Variants in SCN4A observed in about 807,000 individuals in gnomAD.
SCN4A encodes the protein sodium channel protein type 4 subunit alpha.
Under a neutral mutation model 162.0 loss-of-function variants are expected in SCN4A, and 83 were observed. The observed-to-expected ratio is 0.51, with a 90% CI of 0.43 to 0.61. SCN4A has a LOEUF of 0.61. Among genes scored for constraint, SCN4A ranks in the 20% least tolerant of loss-of-function variants. SCN4A has a pLI of 0.00. For synonymous variants in SCN4A, 944 were observed against 985.1 expected (o/e 0.96, Z 0.78); for missense variants, 2,196 against 2,462.5 (o/e 0.89, Z 2.29).
Position 63,943,093 on chromosome 17 carries a change from TG to T in SCN4A, c.4020del (p.Asn1340LysfsTer11). 6.2e-7 allele frequency: 1 copy of T among 1,608,846 alleles called. No individual in the cohort carries two copies. The highest frequency in any genetic ancestry group is 8.5e-7 in the Non-Finnish European group (1 of 1,175,682). ...AGGTCATACACCATGCCCTGGATCT[TG>T]TTCTGCAGCATGGGTGGGAGTGGAT... ...KPQKPIPRPQ[N>X]KIQGMVYDLV... On this transcript the variant is annotated frameshift_variant and splice_region_variant, in exon 23 of 24. Coordinates refer to ENST00000435607, the MANE Select transcript of SCN4A (RefSeq NM_000334.4). LOFTEE classifies it high-confidence loss of function.
chr17:63,972,534 G>GCAGA lies in SCN4A; in HGVS notation c.273+31_273+34dup, dbSNP rs1212329560. On this transcript the variant is annotated intron_variant, in intron 1 of 23. Coordinates refer to ENST00000435607, the MANE Select transcript of SCN4A (RefSeq NM_000334.4). This position sits in a 1 kb window ranked among gnomAD's most constrained non-coding sequence, Gnocchi z 4.3. ...AGACAGGCAGACAGATGGATGGATG[G>GCAGA]CAGACAGACAGAGGAAGCCTTCCCA... The GCAGA allele has an allele frequency of 6.3e-7, 1 of 1,599,646 alleles. No individual in the cohort carries two copies. Among genetic ancestry groups the GCAGA allele is most frequent in the Admixed American group, 1.8e-5 (1 of 56,864 alleles).
chr17:63,945,890 T>A lies in SCN4A; in HGVS notation c.3442-252A>T, dbSNP rs1448416275. On this transcript the variant is annotated intron_variant, in intron 18 of 23. Transcript: ENST00000435607. The surrounding 1 kb of genome is among the most constrained non-coding windows in gnomAD (Gnocchi z 4.4). ...AGCCATCAGCCCAGAGTAGGGGTGC[T>A]GGGTTTCTCTGGAAGCAGCCTGGTC... is the stretch of plus-strand genomic sequence containing the variant. 6.6e-6 allele frequency among the ~76,000 whole-genome samples: 1 copy of A among 152,006 alleles called. No homozygotes were observed. The highest frequency in any genetic ancestry group is 1.9e-4 in the East Asian group (1 of 5,178).
At chr17:63,958,014 AAAAAAG>A (rs1555603225) in intron 12 of SCN4A, among the ~76,000 whole-genome samples, 4 of 150,666 alleles carry the variant, frequency 2.7e-5, no homozygotes, top group African/African-American at 9.8e-5. Context: ...AAAAAAAAAA[AAAAAAG>A]AAAAAGAAAA....
rs368479778 is a variant in SCN4A, at chr17:63,951,649, C to T, written c.2628G>A (p.Glu876=). 3 of 1,598,540 alleles carry T rather than the reference C, an allele frequency of 1.9e-6. No individual in the cohort carries two copies. Among genetic ancestry groups the T allele is most frequent in the African/African-American group, 1.3e-5 (1 of 74,580 alleles). Residue 876 remains glutamate, a synonymous_variant, in exon 14 of 24, where the codon GAG becomes GAA. Transcript: ENST00000435607. This position sits in a 1 kb window ranked among gnomAD's most constrained non-coding sequence, Gnocchi z 4.5. The part of the protein sequence containing the change: ...EAGEAGETAP[E]DEKKEPPEED... ...CCTCGGGCGGCTCCTTCTTCTCATC[C>T]TCGGGGGCAGTCTCCCCCGCCTCTC...
chr17:63,971,616 G>C (rs1909610311), intron 4 of SCN4A, 106 bp downstream of exon 4: 3 of 1,040,042 alleles, frequency 2.9e-6, no homozygotes, highest in Non-Finnish European at 4.3e-6. Context: ...CTGCACAACT[G>C]ACCGATGTCC....
chr17:63,948,468 G>T, intron 16 of SCN4A, 143 bp downstream of exon 16: 1 of 678,172 alleles, frequency 1.5e-6, no homozygotes, highest in Non-Finnish European at 2.4e-6. Context: ...CTATCCCGGA[G>T]GCACAGCGAG....
At position 63,945,742 on chromosome 17, in the gene SCN4A, T is replaced by C; in HGVS notation, c.3442-104A>G. 7.6e-7 allele frequency: 1 copy of C among 1,323,188 alleles called. No individual in the cohort carries two copies. The highest frequency in any genetic ancestry group is 1.1e-6 in the Non-Finnish European group (1 of 940,026). The allele number at this position is 1,323,188 out of a possible 1,614,324, so 82.0% of individuals were successfully genotyped here. On this transcript the variant is annotated intron_variant, in intron 18 of 23. Coordinates refer to ENST00000435607, the MANE Select transcript of SCN4A (RefSeq NM_000334.4). The surrounding 1 kb of genome is among the most constrained non-coding windows in gnomAD (Gnocchi z 4.4). ...ACCAGGCAGAGCTGGGCATTGTCAA[T>C]TAGGGAGGGCTTCCTAGAGGAGGGC...
Position 63,940,759 on chromosome 17 carries a change from C to G in SCN4A, c.*12G>C. The G allele has an allele frequency of 6.5e-7, 1 of 1,547,430 alleles. No individual in the cohort carries two copies. The highest frequency in any genetic ancestry group is 8.7e-7 in the Non-Finnish European group (1 of 1,145,514). On this transcript the variant is annotated 3_prime_UTR_variant, in exon 24 of 24. Coordinates refer to ENST00000435607, the MANE Select transcript of SCN4A (RefSeq NM_000334.4). ...TATGCCGAGACTCAGTGGGCCACCCCGATGCTGCCTGCTAGACAAGAGACT... is the reference window on the plus strand; with the variant it reads ...TATGCCGAGACTCAGTGGGCCACCCGGATGCTGCCTGCTAGACAAGAGACT...
rs772704244 is a variant in SCN4A at position 63,943,048 on chromosome 17, C to T, written c.4066G>A (p.Asp1356Asn). ...CAGATGAGGATCATGATGGTGATGT[C>T]GAAGGCCTGCTTCGTCACGAGGTCA... ...VYDLVTKQAF[D>N]ITIMILICLN... The change falls in exon 23 of 24, where the codon GAC becomes AAC. Residue 1356 changes from aspartate to asparagine, a missense_variant. Transcript: ENST00000435607. The T allele has an allele frequency of 4.3e-6, 7 of 1,613,774 alleles. No individual in the cohort carries two copies. Among genetic ancestry groups the T allele is most frequent in the Admixed American group, 1.7e-5 (1 of 60,008 alleles).
Position 63,945,306 on chromosome 17 carries a change from G to A in SCN4A, c.3720+54C>T. ...GGGGTTGGGTACAACGAGAGGACCG[G>A]GGTGGGGGGCACCTCCATCCAGGTT... On this transcript the variant is annotated intron_variant, in intron 19 of 23. Coordinates refer to ENST00000435607, the MANE Select transcript of SCN4A (RefSeq NM_000334.4). The surrounding 1 kb of genome is among the most constrained non-coding windows in gnomAD (Gnocchi z 4.4). 1 of 1,502,192 alleles carries A rather than the reference G, an allele frequency of 6.7e-7. No homozygotes were observed. The highest frequency in any genetic ancestry group is 1.2e-5 in the South Asian group (1 of 83,354). The allele number at this position is 1,502,192 out of a possible 1,614,324, so 93.1% of individuals were successfully genotyped here.
chr17:63,947,106 G>A lies in SCN4A; in HGVS notation c.3380C>T (p.Ser1127Phe). ...LGYSELGPIK[S>F]LRTLRALRPL... ...ACGCAGGGCCCGCAGTGTCCGCAGGGATTTGATGGGTCCCAGCTCCGAGTA... is the reference window on the plus strand; with the variant it reads ...ACGCAGGGCCCGCAGTGTCCGCAGGAATTTGATGGGTCCCAGCTCCGAGTA... Residue 1127 changes from serine to phenylalanine, a missense_variant, in exon 18 of 24, where the codon TCC becomes TTC. Transcript: ENST00000435607. The A allele has an allele frequency of 6.2e-7, 1 of 1,613,662 alleles. No individual in the cohort carries two copies. Among genetic ancestry groups the A allele is most frequent in the Non-Finnish European group, 8.5e-7 (1 of 1,179,786 alleles).
intron 5 of SCN4A, 79 bp downstream of exon 5, chr17:63,971,083 C>T (rs538248057): frequency 4.3e-4 from 399 of 927,894 alleles, no homozygotes; most frequent in Non-Finnish European, 6.2e-4. Context: ...AGTGTTGTGA[C>T]ACTGAGTCAG....
At position 63,944,970 on chromosome 17, in the gene SCN4A, C is replaced by G; in HGVS notation, c.3774+37G>C. ...TCCTGTCTTGAGTCCTCTTCCCTGGCTCGCTCACCAGCCACATCTCAGCGA... is the reference window on the plus strand; with the variant it reads ...TCCTGTCTTGAGTCCTCTTCCCTGGGTCGCTCACCAGCCACATCTCAGCGA... On this transcript the variant is annotated intron_variant, in intron 20 of 23. Coordinates refer to ENST00000435607, the MANE Select transcript of SCN4A (RefSeq NM_000334.4). The surrounding 1 kb of genome is among the most constrained non-coding windows in gnomAD (Gnocchi z 4.3). 1 of 1,609,692 alleles carries G rather than the reference C, an allele frequency of 6.2e-7. No homozygotes were observed. Among genetic ancestry groups the G allele is most frequent in the Admixed American group, 1.7e-5 (1 of 59,776 alleles).
Position 63,943,089 on chromosome 17 carries a change from A to C in SCN4A, c.4025T>G (p.Ile1342Ser). Reference sequence around the variant, plus strand: ...CACGAGGTCATACACCATGCCCTGGATCTTGTTCTGCAGCATGGGTGGGAG... The same window carrying C: ...CACGAGGTCATACACCATGCCCTGGCTCTTGTTCTGCAGCATGGGTGGGAG... ...QKPIPRPQNKIQGMVYDLVTK... is the reference protein window; with the variant it reads ...QKPIPRPQNKSQGMVYDLVTK... The change falls in exon 23 of 24, where the codon ATC (isoleucine) becomes AGC (serine). Residue 1342 changes from isoleucine to serine, a missense_variant. By Grantham distance (142) the Ile-to-Ser change is moderately radical. Transcript: ENST00000435607. 6.2e-7 allele frequency: 1 copy of C among 1,609,880 alleles called. No homozygotes were observed.
At chr17:63,966,592 C>G (rs377224115) in intron 6 of SCN4A, 48 bp from the exon 7 acceptor site, 4 of 1,431,180 alleles carry the variant, frequency 2.8e-6, no homozygotes, top group Non-Finnish European at 3.9e-6. Context: ...CACATGGACA[C>G]AGTGTGAGCA....
In SCN4A at chr17:63,947,934, A is replaced by G; in HGVS notation, c.3274T>C (p.Tyr1092His). 6.2e-7 allele frequency: 1 copy of G among 1,613,872 alleles called. No individual in the cohort carries two copies. Reference sequence around the variant, plus strand: ...AGCCAGCACCAGGCGTTGGTGAAGTACACCTTAAAGCCGTAGGCCACCCAT... The same window carrying G: ...AGCCAGCACCAGGCGTTGGTGAAGTGCACCTTAAAGCCGTAGGCCACCCAT... Reference protein sequence around the residue: ...LKWVAYGFKVYFTNAWCWLDF... With the variant: ...LKWVAYGFKVHFTNAWCWLDF... Residue 1092 changes from tyrosine (Y) to histidine (H), a missense_variant, in exon 17 of 24, where the codon TAC becomes CAC. Physicochemically the swap from Tyr to His is moderately conservative, Grantham distance 83. Transcript: ENST00000435607.
Position 63,951,935 on chromosome 17 carries a change from T to TC in SCN4A, c.2377-36dup, listed in dbSNP as rs940786219. The TC allele has an allele frequency of 1.4e-5, 19 of 1,381,612 alleles. No individual in the cohort carries two copies. Among genetic ancestry groups the TC allele is most frequent in the Admixed American group, 6.6e-5 (3 of 45,506 alleles). The allele number at this position is 1,381,612 out of a possible 1,614,324, so 85.6% of individuals were successfully genotyped here. A position where few individuals can be genotyped will look rare whatever the true frequency, so the allele number is the denominator to read the frequency against. On this transcript the variant is annotated intron_variant, in intron 13 of 23. Transcript: ENST00000435607. The surrounding 1 kb of genome is among the most constrained non-coding windows in gnomAD (Gnocchi z 4.5). ...GGGGTCAGGGGGAGCCTCACATCAG[T>TC]CCCCGGGACCCAGAGGGTGCCACCT...
At chr17:63,966,775 G>T (rs1909460920) in intron 6 of SCN4A, among the ~76,000 whole-genome samples, 1 of 152,264 alleles carries the variant, frequency 6.6e-6, no homozygotes, top group Non-Finnish European at 1.5e-5. Context: ...GCCCAGTGTG[G>T]ACGAAAAGTC....
intron 9 of SCN4A, 24 bp from the exon 10 acceptor site, chr17:63,963,849 G>T (rs1909350246): frequency 1.3e-6 from 2 of 1,580,020 alleles, no homozygotes. Context: ...AGAGTGACTG[G>T]CAGGAAGTCC....
Sources: allele counts gnomAD v4.1 joint callset (sites outside exome capture counted in the v4.1 genomes callset), GRCh38; gene constraint gnomAD v4.1.1; non-coding constraint Gnocchi (gnomAD v3.1); transcripts MANE v1.5; gene names NCBI Gene and HGNC (gene_info 2026-07-23, HGNC 2026-07-21).